Variants in TNFAIP8 observed in about 807,000 individuals in gnomAD.
The protein encoded by TNFAIP8 is TNF alpha induced protein 8.
TNFAIP8 carries 7 observed loss-of-function variants against 13.3 expected under a neutral mutation model. The observed-to-expected ratio is 0.52, with a 90% CI of 0.30 to 0.99. The LOEUF is 0.99. TNFAIP8 is among the 50% of genes least tolerant of loss of function. The probability of loss-of-function intolerance (pLI) is 0.07; values close to 1 mark genes in which losing one functional copy is unlikely to be tolerated. For missense variants in TNFAIP8, 258 were observed against 236.9 expected, an observed-to-expected ratio of 1.09 and a Z score of -0.58; for synonymous variants, 94 against 87.6, an observed-to-expected ratio of 1.07 and a Z score of -0.41.
intron 1 of TNFAIP8, among the ~76,000 whole-genome samples, chr5:119,300,440 A>G (rs553319827): frequency 5.3e-5 from 8 of 152,310 alleles, no homozygotes; most frequent in African/African-American, 1.9e-4. Flanking sequence ...ACCATCTAAA[A>G]CAAATGTTAT....
chr5:119,370,484 A>G (rs960235790), intron 1 of TNFAIP8, among the ~76,000 whole-genome samples: 21 of 152,244 alleles, frequency 1.4e-4, no homozygotes, highest in African/African-American at 5.1e-4. Flanking sequence ...ACAGTAAATT[A>G]AAGACCCTTT....
At chr5:119,325,298 C>G (rs1195721787) in intron 1 of TNFAIP8, among the ~76,000 whole-genome samples, 3 of 152,112 alleles carry the variant, frequency 2.0e-5, no homozygotes, top group Non-Finnish European at 4.4e-5. Context: ...GGTTTTTGAT[C>G]TTTATTGTCA....
intron 1 of TNFAIP8, among the ~76,000 whole-genome samples, chr5:119,384,301 A>G (rs1010083391): frequency 6.6e-6 from 1 of 152,172 alleles, no homozygotes. Flanking sequence ...CCTGGCCAAC[A>G]TGGCAAAACC....
chr5:119,348,610 G>C (rs1750994865), intron 1 of TNFAIP8, among the ~76,000 whole-genome samples: 1 of 152,162 alleles, frequency 6.6e-6, no homozygotes, highest in Non-Finnish European at 1.5e-5. Context: ...GCTGGGCACG[G>C]AGTCTCACGC....
At chr5:119,343,480 G>A (rs995935235) in intron 1 of TNFAIP8, among the ~76,000 whole-genome samples, 1 of 152,100 alleles carries the variant, frequency 6.6e-6, no homozygotes, top group Non-Finnish European at 1.5e-5. Flanking sequence ...ATAGTTTCTT[G>A]TAAGGTACTT....
chr5:119,321,740 G>A (rs1398752038), intron 1 of TNFAIP8, among the ~76,000 whole-genome samples: 4 of 152,130 alleles, frequency 2.6e-5, no homozygotes, highest in Non-Finnish European at 5.9e-5. Flanking sequence ...TAACTCCCCT[G>A]TGCTCTTGCA....
intron 1 of TNFAIP8, among the ~76,000 whole-genome samples, chr5:119,315,910 G>C (rs1749879831): frequency 6.6e-6 from 1 of 152,074 alleles, no homozygotes; most frequent in Non-Finnish European, 1.5e-5. Context: ...TCTGAGGCTG[G>C]TTTAATGGTG....
chr5:119,304,874 T>C (rs1749504852), intron 1 of TNFAIP8, among the ~76,000 whole-genome samples: 1 of 152,270 alleles, frequency 6.6e-6, no homozygotes, highest in Non-Finnish European at 1.5e-5. Context: ...TGTTTGAAGC[T>C]GCATTGTACC....
At position 119,395,296 on chromosome 5, in the gene TNFAIP8, T is replaced by C. The variant is rs956709800; in HGVS notation, c.*1915T>C. ...AGCAGCCTTCCTTGACCAGCTGTTT[T>C]CCTCACATGTGAAGGCTGAGAATGT... On this transcript the variant is annotated 3_prime_UTR_variant, in exon 2 of 2. Coordinates refer to ENST00000504771, the MANE Select transcript of TNFAIP8 (RefSeq NM_014350.4). 3.9e-5 allele frequency: 6 copies of C among 152,290 alleles called. No individual in the cohort carries two copies. Among genetic ancestry groups the C allele is most frequent in the African/African-American group, 1.4e-4 (6 of 41,468 alleles). 9.4% of individuals were successfully genotyped at this position (152,290 alleles called of 1,614,324 possible). A position where few individuals can be genotyped will look rare whatever the true frequency, so the allele number is the denominator to read the frequency against.
chr5:119,289,436 T>A (rs993212485), intron 1 of TNFAIP8, among the ~76,000 whole-genome samples: 1 of 152,252 alleles, frequency 6.6e-6, no homozygotes, highest in Admixed American at 6.5e-5. Flanking sequence ...TGTGCTAGGC[T>A]GTACTTAGCC....
rs560333922 is a variant in TNFAIP8, at chr5:119,314,440, AACAG to A, written c.1+45539_1+45542del. ...ATATACACATGCACACACACACAAAAACAGACAGATTCAAAGACATACACGGTGC... is the reference window on the plus strand; with the variant it reads ...ATATACACATGCACACACACACAAAAACAGATTCAAAGACATACACGGTGC... On this transcript the variant is annotated intron_variant, in intron 1 of 1. Coordinates refer to the TNFAIP8 transcript ENST00000274456. Among the ~76,000 whole-genome samples the A allele has an allele frequency of 2.2e-4, 33 of 152,310 alleles. No individual in the cohort carries two copies. The South Asian group carries it at 6.6e-3, about 31-fold the overall frequency.
At chr5:119,277,716 G>C (rs1041539834) in intron 1 of TNFAIP8, among the ~76,000 whole-genome samples, 2 of 152,176 alleles carry the variant, frequency 1.3e-5, no homozygotes, top group African/African-American at 4.8e-5. Flanking sequence ...CTGAGACTGG[G>C]TAATTTGTAA....
At chr5:119,384,013 C>G (rs1246457823) in intron 1 of TNFAIP8, among the ~76,000 whole-genome samples, 2 of 152,140 alleles carry the variant, frequency 1.3e-5, no homozygotes, top group African/African-American at 4.8e-5. Context: ...AGCTTCTTTT[C>G]TTAAGCTCAT....
At chr5:119,328,339 C>CAA (rs11421168) in intron 1 of TNFAIP8, among the ~76,000 whole-genome samples, 2 of 151,660 alleles carry the variant, frequency 1.3e-5, no homozygotes, top group Admixed American at 6.6e-5. Flanking sequence ...ACTTACTTCG[C>CAA]AAAAAAAATT....
chr5:119,310,704 G>A (rs1160584200), intron 1 of TNFAIP8, among the ~76,000 whole-genome samples: 1 of 152,160 alleles, frequency 6.6e-6, no homozygotes, highest in Non-Finnish European at 1.5e-5. Flanking sequence ...GCACGTGCCT[G>A]TAATCCCAGT....
chr5:119,361,697 C>T (rs1351888750), intron 1 of TNFAIP8, among the ~76,000 whole-genome samples: 1 of 152,196 alleles, frequency 6.6e-6, no homozygotes, highest in Non-Finnish European at 1.5e-5. Flanking sequence ...ATGAATTTTC[C>T]TTCCAGTTTG....
At chr5:119,274,332 C>G (rs527775994) in intron 1 of TNFAIP8, among the ~76,000 whole-genome samples, 1 of 152,350 alleles carries the variant, frequency 6.6e-6, no homozygotes, top group African/African-American at 2.4e-5. Context: ...GGAAACTACT[C>G]TTTTATTTTT....
In TNFAIP8 at chr5:119,393,079, A is replaced by T. The variant is rs117748752; in HGVS notation, c.295A>T (p.Met99Leu). 119 of 1,613,924 alleles carry T rather than the reference A, an allele frequency of 7.4e-5. No individual in the cohort carries two copies. The East Asian group carries it at 2.6e-3, about 36-fold the overall frequency. The stretch of plus-strand genomic sequence containing the variant: ...GTTTAATCAAGATGAGCTAGCATTG[A>T]TGGAGAAATTTAAGAAGAAAGTTCA... ...NQFNQDELALMEKFKKKVHQL... is the reference protein window; with the variant it reads ...NQFNQDELALLEKFKKKVHQL... Residue 99 changes from methionine to leucine, a missense_variant, in exon 2 of 2, where the codon ATG becomes TTG. Physicochemically the swap from Met to Leu is conservative, Grantham distance 15. Transcript: ENST00000504771.
chr5:119,381,071 G>C (rs898758018), intron 1 of TNFAIP8, among the ~76,000 whole-genome samples: 1 of 152,122 alleles, frequency 6.6e-6, no homozygotes, highest in Non-Finnish European at 1.5e-5. Context: ...AATCAGGTAG[G>C]GTGCTTCCTA....
Sources: allele counts gnomAD v4.1 joint callset (sites outside exome capture counted in the v4.1 genomes callset), GRCh38; gene constraint gnomAD v4.1.1; transcripts MANE v1.5; gene names NCBI Gene and HGNC (gene_info 2026-07-23, HGNC 2026-07-21).